The following CDON variants were observed in gnomAD, a reference collection of about 807,000 sequenced individuals.
The protein encoded by CDON is cell adhesion molecule-related/down-regulated by oncogenes.
CDON carries 73 observed loss-of-function variants against 120.9 expected under a neutral mutation model. That is an observed-to-expected ratio of 0.60 (90% CI 0.50 to 0.73). CDON has a LOEUF of 0.73. CDON is among the 30% of genes least tolerant of loss of function. CDON has a pLI of 0.00. For missense variants in CDON, 1,470 were observed against 1,587.3 expected, an observed-to-expected ratio of 0.93 and a Z score of 1.26; for synonymous variants, 566 against 573.5, an observed-to-expected ratio of 0.99 and a Z score of 0.19.
Position 126,003,998 on chromosome 11 carries a change from C to G in CDON, c.1930G>C (p.Glu644Gln), listed in dbSNP as rs970284479. The change falls in exon 10 of 20, where the codon GAG (glutamate) becomes CAG (glutamine). Residue 644 changes from glutamate to glutamine, a missense_variant. Glu to Gln is a conservative substitution (Grantham distance 29). Coordinates refer to ENST00000531738, the MANE Select transcript of CDON (RefSeq NM_001378964.1). The stretch of plus-strand genomic sequence containing the variant: ...TCATAAAGACTAGATGGCTCCAGCT[C>G]AGCTAAATGGAGCTCATTTTCACTT... ...PGSENELHLA[E>Q]LEPSSLYEVL... The G allele has an allele frequency of 6.2e-7, 1 of 1,613,844 alleles. No homozygotes were observed. The highest frequency in any genetic ancestry group is 1.3e-5 in the African/African-American group (1 of 74,870).
intron 1 of CDON, among the ~76,000 whole-genome samples, chr11:126,043,098 C>G (rs1831960355): frequency 6.6e-6 from 1 of 152,190 alleles, no homozygotes; most frequent in Admixed American, 6.5e-5. Context: ...AGGTGGGAAA[C>G]TGGCTGTCCG....
Position 126,010,573 on chromosome 11 carries a change from G to A in CDON, c.1320C>T (p.Asp440=), listed in dbSNP as rs144632818. 135 of 1,614,104 alleles carry A rather than the reference G, an allele frequency of 8.4e-5. No individual in the cohort carries two copies. The highest frequency in any genetic ancestry group is 1.1e-4 in the Non-Finnish European group (125 of 1,179,982). The change falls in exon 8 of 20, where the codon GAC becomes GAT. Residue 440 remains aspartate (D), a synonymous_variant. Transcript: ENST00000531738. ...GATGGCTGGTTATCAATCCATGGCTGTCATACCAACGAATGACCGGAACCG... is the reference window on the plus strand; with the variant it reads ...GATGGCTGGTTATCAATCCATGGCTATCATACCAACGAATGACCGGAACCG... ...GLPVPVIRWY[D]SHGLITSHPS... is the part of the protein sequence containing the mutation.
At position 126,005,764 on chromosome 11, in the gene CDON, G is replaced by C. The variant is rs766248827; in HGVS notation, c.1846C>G (p.Arg616Gly). ...LPINAYFVKYRKLDDGVGMLG... is the reference protein window; with the variant it reads ...LPINAYFVKYGKLDDGVGMLG... ...GATAAACGACAAGACATTACCTTTC[G>C]ATACTTCACAAAGTAAGCATTGATG... The change falls in exon 9 of 20, where the codon CGA becomes GGA. Residue 616 changes from arginine to glycine, a missense_variant. Transcript: ENST00000531738. 5 of 1,612,884 alleles carry C rather than the reference G, an allele frequency of 3.1e-6. No individual in the cohort carries two copies. Among genetic ancestry groups the C allele is most frequent in the African/African-American group, 2.7e-5 (2 of 74,860 alleles).
chr11:125,969,730 C>T (rs1945907940), intron 18 of CDON, among the ~76,000 whole-genome samples: 1 of 152,162 alleles, frequency 6.6e-6, no homozygotes, highest in South Asian at 2.1e-4. Flanking sequence ...TGTTAGTTTA[C>T]TAAGATACCT....
chr11:126,027,222 G>C lies in CDON; in HGVS notation c.-61-3685C>G, dbSNP rs143144390. Among the ~76,000 whole-genome samples, 430 of 152,286 alleles carry C rather than the reference G, an allele frequency of 2.8e-3. 2 individuals are homozygous for C. Among genetic ancestry groups the C allele is most frequent in the African/African-American group, 9.8e-3 (408 of 41,560 alleles). ...TAAAGAGCTGTGATAATGACAACAAGGAGTTGGATTCTGCTGTTTTATGGA... is the reference window on the plus strand; with the variant it reads ...TAAAGAGCTGTGATAATGACAACAACGAGTTGGATTCTGCTGTTTTATGGA... On this transcript the variant is annotated intron_variant, in intron 1 of 19. Coordinates refer to ENST00000531738, the MANE Select transcript of CDON (RefSeq NM_001378964.1).
intron 3 of CDON, among the ~76,000 whole-genome samples, chr11:126,020,518 C>T (rs1314721987): frequency 6.6e-6 from 1 of 152,160 alleles, no homozygotes; most frequent in East Asian, 1.9e-4. Context: ...GTGTGTCTTA[C>T]AGCTGTCCAT....
rs184391410 is a variant in CDON at position 126,039,656 on chromosome 11, T to G, written c.-61-16119A>C. Among the ~76,000 whole-genome samples the G allele has an allele frequency of 5.3e-5, 8 of 152,328 alleles. No individual in the cohort carries two copies. The East Asian group carries it at 1.3e-3, about 26-fold the overall frequency. On this transcript the variant is annotated intron_variant, in intron 1 of 19. Coordinates refer to ENST00000531738, the MANE Select transcript of CDON (RefSeq NM_001378964.1). ...TGGCTATGAAACAGGCTGAGTCATC[T>G]GTAAACGCAGGTATTCCTCAGCTCT...
chr11:125,973,528 C>T (rs185661367), intron 18 of CDON, among the ~76,000 whole-genome samples: 227 of 152,272 alleles, frequency 1.5e-3, no homozygotes, highest in African/African-American at 5.3e-3. Context: ...GAGACTCCAT[C>T]TCAGAAAACA....
At chr11:126,008,436 T>C (rs747486852) in intron 8 of CDON, among the ~76,000 whole-genome samples, 4 of 152,170 alleles carry the variant, frequency 2.6e-5, no homozygotes, top group Non-Finnish European at 5.9e-5. Context: ...TTTGGTAGAA[T>C]ACAGCTGATG....
intron 1 of CDON, among the ~76,000 whole-genome samples, chr11:126,029,934 C>T (rs775495987): frequency 6.6e-6 from 1 of 152,172 alleles, no homozygotes; most frequent in African/African-American, 2.4e-5. Flanking sequence ...AACCATTAAA[C>T]CATCTACAAA....
rs76325811 is a variant in CDON, at chr11:125,962,121, A to C, written c.3357-123T>G. Reference sequence around the variant, plus strand: ...AGACTCTTAAGAAAGAGTGATGCTTAAAAACAACTAAATGATTCACTATGA... The same window carrying C: ...AGACTCTTAAGAAAGAGTGATGCTTCAAAACAACTAAATGATTCACTATGA... On this transcript the variant is annotated intron_variant, in intron 18 of 19. Transcript: ENST00000531738. 203 of 762,750 alleles carry C rather than the reference A, an allele frequency of 2.7e-4. 3 individuals carry two copies. In the East Asian group the frequency reaches 5.0e-3, roughly 19 times the overall value. The allele number at this position is 762,750 out of a possible 1,614,324, so 47.2% of individuals were successfully genotyped here. A position where few individuals can be genotyped will look rare whatever the true frequency, so the allele number is the denominator to read the frequency against.
At chr11:126,041,189 A>G (rs1270954159) in intron 1 of CDON, among the ~76,000 whole-genome samples, 2 of 102,274 alleles carry the variant, frequency 2.0e-5, no homozygotes, top group East Asian at 2.2e-4. Flanking sequence ...GAGACTGTCT[A>G]AAAAAAAAAA....
rs1947534386 is a variant in CDON, at chr11:126,018,416, T to C, written c.554A>G (p.Asp185Gly). 6.2e-7 allele frequency: 1 copy of C among 1,612,846 alleles called. No individual in the cohort carries two copies. Among genetic ancestry groups the C allele is most frequent in the Non-Finnish European group, 8.5e-7 (1 of 1,178,862 alleles). ...AGCTGCACATTTGTATGATCCCTTGTCCTCTAAGGATACATTCAAAATCTG... is the reference window on the plus strand; with the variant it reads ...AGCTGCACATTTGTATGATCCCTTGCCCTCTAAGGATACATTCAAAATCTG... ...NLQILNVSLE[D>G]KGSYKCAAYN... Residue 185 changes from aspartate to glycine, a missense_variant, in exon 5 of 20, where the codon GAC (aspartate) becomes GGC (glycine). Coordinates refer to ENST00000531738, the MANE Select transcript of CDON (RefSeq NM_001378964.1).
rs1947251804 is a variant in CDON at position 126,010,235 on chromosome 11, T to C, written c.1552+106A>G. 8.4e-6 allele frequency: 7 copies of C among 830,396 alleles called. No homozygotes were observed. In the South Asian group the frequency reaches 9.4e-5, roughly 11 times the overall value. The allele number at this position is 830,396 out of a possible 1,614,324, so 51.4% of individuals were successfully genotyped here. A position where few individuals can be genotyped will look rare whatever the true frequency, so the allele number is the denominator to read the frequency against. ...ACATTTCACTGTCATCAGGAAAAAA[T>C]ATAGAGAGATTGCTGGATTCATTAA... On this transcript the variant is annotated intron_variant, in intron 8 of 19. Transcript: ENST00000531738.
At chr11:126,031,214 A>C (rs1378082402) in intron 1 of CDON, among the ~76,000 whole-genome samples, 1 of 152,248 alleles carries the variant, frequency 6.6e-6, no homozygotes, top group Non-Finnish European at 1.5e-5. Context: ...AATAAAAGAG[A>C]CACAGTGTCT....
intron 16 of CDON, among the ~76,000 whole-genome samples, chr11:125,981,985 T>C (rs1303757937): frequency 1.6e-5 from 2 of 121,700 alleles, no homozygotes; most frequent in Admixed American, 1.7e-4. Flanking sequence ...TTTTTTTTTT[T>C]TTTTTTTTTT....
At chr11:126,047,688 A>T (rs564023604) in intron 1 of CDON, among the ~76,000 whole-genome samples, 7 of 152,252 alleles carry the variant, frequency 4.6e-5, no homozygotes, top group African/African-American at 1.7e-4. Flanking sequence ...CCATATAGAG[A>T]TGGGGAAATC....
intron 1 of CDON, among the ~76,000 whole-genome samples, chr11:126,048,396 A>G (rs1024478718): frequency 6.6e-6 from 1 of 152,170 alleles, no homozygotes; most frequent in Admixed American, 6.5e-5. Context: ...CATTGTATTA[A>G]TCTGTTGGTA....
chr11:126,019,869 G>A (rs1947583770), intron 3 of CDON, 104 bp from the exon 4 acceptor site: 3 of 1,022,770 alleles, frequency 2.9e-6, no homozygotes, highest in Non-Finnish European at 2.9e-6. Context: ...ACGGCCTTTT[G>A]TGGCAGCTGA....
Sources: allele counts gnomAD v4.1 joint callset (sites outside exome capture counted in the v4.1 genomes callset), GRCh38; gene constraint gnomAD v4.1.1; transcripts MANE v1.5; gene names NCBI Gene and HGNC (gene_info 2026-07-23, HGNC 2026-07-21).